Variants in ZAR1L observed in about 807,000 individuals in gnomAD.
ZAR1L encodes zygote arrest 1 like.
A neutral mutation model predicts 30.0 loss-of-function variants in ZAR1L; 16 were observed. The observed-to-expected ratio is 0.53, with a 90% CI of 0.36 to 0.81. ZAR1L has a LOEUF of 0.81. ZAR1L is among the 30% of genes least tolerant of loss of function. ZAR1L has a pLI of 0.00. For synonymous variants in ZAR1L, 197 were observed against 166.8 expected (o/e 1.18, Z -1.40); for missense variants, 392 against 417.2 (o/e 0.94, Z 0.53).
intron 2 of ZAR1L, among the ~76,000 whole-genome samples, chr13:32,314,082 G>A (rs1484534613): frequency 1.3e-5 from 2 of 152,174 alleles, no homozygotes; most frequent in Non-Finnish European, 2.9e-5. Context: ...TGACAATACT[G>A]ACCAATTTAC....
intron 4 of ZAR1L, among the ~76,000 whole-genome samples, chr13:32,309,264 T>C (rs2072197107): frequency 6.6e-6 from 1 of 152,108 alleles, no homozygotes; most frequent in South Asian, 2.1e-4. Flanking sequence ...AGTGCTGGGA[T>C]TACAAGCCTG....
Position 32,308,699 on chromosome 13 carries a change from G to A in ZAR1L, c.809C>T (p.Ala270Val). 6.4e-7 allele frequency: 1 copy of A among 1,550,662 alleles called. No individual in the cohort carries two copies. The highest frequency in any genetic ancestry group is 1.2e-5 in the South Asian group (1 of 84,038). ...CCATATGCTCACCTGACATTGGATT[G>A]CTTCTACTCGATAAGGGTTAAAACT... ...QKSFNPYRVE[A>V]IQCQTCSKSH... Residue 270 changes from alanine to valine, a missense_variant, in exon 5 of 6, where the codon GCA becomes GTA. Transcript: ENST00000533490.
intron 5 of ZAR1L, among the ~76,000 whole-genome samples, chr13:32,306,120 T>C (rs1238628180): frequency 6.6e-6 from 1 of 152,178 alleles, no homozygotes; most frequent in Non-Finnish European, 1.5e-5. Flanking sequence ...AATAGTTCAA[T>C]GGATGTTTTA....
chr13:32,308,477 G>T (rs1233810896), intron 5 of ZAR1L, among the ~76,000 whole-genome samples: 1 of 152,202 alleles, frequency 6.6e-6, no homozygotes, highest in Non-Finnish European at 1.5e-5. Context: ...CACCCCATAA[G>T]GCAACTTGAA....
chr13:32,304,835 G>A (rs1439040456), intron 5 of ZAR1L, among the ~76,000 whole-genome samples: 1 of 145,816 alleles, frequency 6.9e-6, no homozygotes, highest in African/African-American at 2.6e-5. Context: ...TTGAAATGGA[G>A]TCTCGCTCTG....
intron 5 of ZAR1L, 27 bp downstream of exon 5, chr13:32,308,659 C>A: frequency 6.6e-7 from 1 of 1,512,802 alleles, no homozygotes; most frequent in East Asian, 2.5e-5. Flanking sequence ...GAAACATAGA[C>A]ACAATGGAAG....
rs543508316 is a variant in ZAR1L at position 32,308,483 on chromosome 13, T to C, written c.822+203A>G. On this transcript the variant is annotated intron_variant, in intron 5 of 5. Coordinates refer to ENST00000533490, the MANE Select transcript of ZAR1L (RefSeq NM_001136571.2). ...AAACAAACACACCCCATAAGGCAAC[T>C]TGAAATAGTGAATCTTCCCCTCTTT... Among the ~76,000 whole-genome samples the C allele has an allele frequency of 8.5e-5, 13 of 152,334 alleles. No individual in the cohort carries two copies. The East Asian group carries it at 2.5e-3, about 29-fold the overall frequency.
rs766733586 is a variant in ZAR1L, at chr13:32,311,263, A to T, written c.654+9T>A. Reference sequence around the variant, plus strand: ...GTCGAGGACTAAGAAGAGGGAAGAGAGGATCTACCTGGAAGTTGGGCCTCC... The same window carrying T: ...GTCGAGGACTAAGAAGAGGGAAGAGTGGATCTACCTGGAAGTTGGGCCTCC... On this transcript the variant is annotated intron_variant, in intron 3 of 5. Coordinates refer to ENST00000533490, the MANE Select transcript of ZAR1L (RefSeq NM_001136571.2). 7.8e-6 allele frequency: 12 copies of T among 1,542,674 alleles called. No homozygotes were observed. The highest frequency in any genetic ancestry group is 1.1e-5 in the Non-Finnish European group (12 of 1,142,766).
chr13:32,306,194 C>T (rs1317176379), intron 5 of ZAR1L, among the ~76,000 whole-genome samples: 1 of 152,088 alleles, frequency 6.6e-6, no homozygotes, highest in African/African-American at 2.4e-5. Context: ...AGATAATATT[C>T]AGCCTAAAGC....
At chr13:32,307,498 CAAAAAAAAAAAAAAA>C (rs772822284) in intron 5 of ZAR1L, among the ~76,000 whole-genome samples, 7 of 15,360 alleles carry the variant, frequency 4.6e-4, no homozygotes, top group Non-Finnish European at 6.4e-4. Context: ...GAGTCTGTCT[CAAAAAAAAAAAAAAA>C]AAAAAAAAAA....
rs187707036 is a variant in ZAR1L at position 32,310,991 on chromosome 13, A to G, written c.655-260T>C. ...CTTCCCAAAACGAAAGTCTGATTTC[A>G]TGTATTACAGACTCGAAGCCCTTCT... is the stretch of plus-strand genomic sequence containing the variant. On this transcript the variant is annotated intron_variant, in intron 3 of 5. Transcript: ENST00000533490. 1.4e-4 allele frequency among the ~76,000 whole-genome samples: 21 copies of G among 152,332 alleles called. No homozygotes were observed. The East Asian group carries it at 4.1e-3, about 29-fold the overall frequency.
At chr13:32,305,512 C>A (rs944816838) in intron 5 of ZAR1L, among the ~76,000 whole-genome samples, 1 of 152,254 alleles carries the variant, frequency 6.6e-6, no homozygotes, top group Non-Finnish European at 1.5e-5. Context: ...AGGCGTGAGC[C>A]ACTGCACCCA....
At chr13:32,310,513 C>T (rs2138688630) in intron 4 of ZAR1L, 126 bp downstream of exon 4, 1 of 679,770 alleles carries the variant, frequency 1.5e-6, no homozygotes. Context: ...GTACACCTGG[C>T]ACGGGGGATG....
Position 32,311,265 on chromosome 13 carries a change from G to A in ZAR1L, c.654+7C>T. 1 of 1,544,264 alleles carries A rather than the reference G, an allele frequency of 6.5e-7. No homozygotes were observed. Among genetic ancestry groups the A allele is most frequent in the Non-Finnish European group, 8.7e-7 (1 of 1,143,530 alleles). ...CGAGGACTAAGAAGAGGGAAGAGAG[G>A]ATCTACCTGGAAGTTGGGCCTCCGG... is the stretch of plus-strand genomic sequence containing the variant. On this transcript the variant is annotated splice_region_variant and intron_variant, in intron 3 of 5. Coordinates refer to ENST00000533490, the MANE Select transcript of ZAR1L (RefSeq NM_001136571.2).
At chr13:32,304,610 C>T (rs1397331374) in intron 5 of ZAR1L, among the ~76,000 whole-genome samples, 1 of 152,120 alleles carries the variant, frequency 6.6e-6, no homozygotes, top group African/African-American at 2.4e-5. Context: ...CTAAATGTTT[C>T]TTTTCTTCTT....
In ZAR1L at chr13:32,303,869, A is replaced by G; in HGVS notation, c.*10T>C. The G allele has an allele frequency of 1.3e-6, 2 of 1,549,722 alleles. No homozygotes were observed. The highest frequency in any genetic ancestry group is 1.7e-6 in the Non-Finnish European group (2 of 1,146,112). ...AGCTCAGGGGTCCATTACAAGTCAC[A>G]CTGTACAAGTCACATCACATATTTA... On this transcript the variant is annotated 3_prime_UTR_variant, in exon 6 of 6. Coordinates refer to ENST00000533490, the MANE Select transcript of ZAR1L (RefSeq NM_001136571.2).
In ZAR1L at chr13:32,310,694, T is replaced by C. The variant is rs2072206244; in HGVS notation, c.692A>G (p.Asp231Gly). ...AGCACTCTCCCACCTGGTCTTACAATCTTTACAGTGGAAATAGCCATATTT... is the reference window on the plus strand; with the variant it reads ...AGCACTCTCCCACCTGGTCTTACAACCTTTACAGTGGAAATAGCCATATTT... Reference protein sequence around the residue: ...EPKYGYFHCKDCKTRWESAYV... With the variant: ...EPKYGYFHCKGCKTRWESAYV... The change falls in exon 4 of 6, where the codon GAT becomes GGT. Residue 231 changes from aspartate to glycine, a missense_variant. By Grantham distance (94) the Asp-to-Gly change is moderately conservative. Transcript: ENST00000533490. 6.4e-7 allele frequency: 1 copy of C among 1,551,718 alleles called. No homozygotes were observed.
At chr13:32,307,654 G>C (rs1309257603) in intron 5 of ZAR1L, among the ~76,000 whole-genome samples, 10 of 150,586 alleles carry the variant, frequency 6.6e-5, no homozygotes, top group Admixed American at 6.6e-4. Flanking sequence ...GCGAACACAA[G>C]AGAAAAGAAA....
chr13:32,314,998 T>C (rs763216301), intron 1 of ZAR1L, among the ~76,000 whole-genome samples: 3 of 152,082 alleles, frequency 2.0e-5, no homozygotes, highest in Non-Finnish European at 4.4e-5. Flanking sequence ...GCAGAACAGC[T>C]ACTGGAACTA....
Sources: gnomAD v4.1 joint callset for allele counts (sites outside exome capture counted in the v4.1 genomes callset) on GRCh38, gnomAD v4.1.1 for gene constraint, MANE v1.5 for transcripts, NCBI Gene and HGNC (gene_info 2026-07-23, HGNC 2026-07-21) for gene names.